Variants in PLEKHA6 observed in about 807,000 individuals in gnomAD.
PLEKHA6 encodes the protein pleckstrin homology domain containing A6, also known as pleckstrin homology domain-containing family A member 6.
PLEKHA6 carries 60 observed loss-of-function variants against 116.7 expected under a neutral mutation model. That is an observed-to-expected ratio of 0.51 (90% CI 0.42 to 0.64). The LOEUF is 0.64. Among genes scored for constraint, PLEKHA6 ranks in the 30% least tolerant of loss-of-function variants. The pLI is 0.00. For synonymous variants in PLEKHA6, 489 were observed against 556.1 expected, an observed-to-expected ratio of 0.88 and a Z score of 1.70; for missense variants, 1,338 against 1,422.7, an observed-to-expected ratio of 0.94 and a Z score of 0.96.
At chr1:204,296,248 C>T (rs773172974) in intron 1 of PLEKHA6, among the ~76,000 whole-genome samples, 3 of 152,174 alleles carry the variant, frequency 2.0e-5, no homozygotes, top group Non-Finnish European at 4.4e-5. Flanking sequence ...CTGGTGCACA[C>T]TCACATGCGT....
intron 1 of PLEKHA6, among the ~76,000 whole-genome samples, chr1:204,296,283 G>A (rs183416696): frequency 7.4e-4 from 113 of 152,114 alleles, no homozygotes; most frequent in African/African-American, 2.6e-3. Flanking sequence ...CCTGGTTCCC[G>A]TCTCAGCACT....
At position 204,237,835 on chromosome 1, in the gene PLEKHA6, T is replaced by C. The variant is rs146963280; in HGVS notation, c.2409+3540A>G. Among the ~76,000 whole-genome samples the C allele has an allele frequency of 2.3e-3, 357 of 152,346 alleles. 5 individuals are homozygous for C. Among genetic ancestry groups the C allele is most frequent in the African/African-American group, 8.4e-3 (348 of 41,586 alleles). The stretch of plus-strand genomic sequence containing the variant: ...CAAGATATCACACTGGTTCATTACA[T>C]TGATGACCTTATGCTGATTGGATCC... On this transcript the variant is annotated intron_variant, in intron 17 of 22. Transcript: ENST00000272203.
Position 204,270,799 on chromosome 1 carries a change from G to A in PLEKHA6, c.103-2487C>T, listed in dbSNP as rs533752074. 3.2e-4 allele frequency among the ~76,000 whole-genome samples: 49 copies of A among 152,348 alleles called. No homozygotes were observed. The South Asian group carries it at 9.9e-3, about 31-fold the overall frequency. ...AGCACAGCACAGAGGACAGGTTTGTGAGATATGGCAGGGCCTGTCACCCAC... is the reference window on the plus strand; with the variant it reads ...AGCACAGCACAGAGGACAGGTTTGTAAGATATGGCAGGGCCTGTCACCCAC... On this transcript the variant is annotated intron_variant, in intron 3 of 22. Coordinates refer to ENST00000272203, the MANE Select transcript of PLEKHA6 (RefSeq NM_014935.5).
chr1:204,284,917 T>C (rs1383504392), intron 1 of PLEKHA6, among the ~76,000 whole-genome samples: 1 of 152,238 alleles, frequency 6.6e-6, no homozygotes, highest in Non-Finnish European at 1.5e-5. Flanking sequence ...AGTTGTTTAG[T>C]AGTGGCTAAT....
chr1:204,273,311 G>A (rs1345519080), intron 3 of PLEKHA6, among the ~76,000 whole-genome samples: 2 of 152,214 alleles, frequency 1.3e-5, no homozygotes, highest in East Asian at 1.9e-4. Flanking sequence ...GGCATTTAGT[G>A]GGCAGAGGCC....
At chr1:204,225,802 CCACTCT>C (rs1351635353) in intron 21 of PLEKHA6, among the ~76,000 whole-genome samples, 3 of 152,214 alleles carry the variant, frequency 2.0e-5, no homozygotes, top group Admixed American at 2.0e-4. Context: ...AACCTTTCCT[CCACTCT>C]CACACTGCAT....
intron 5 of PLEKHA6, 44 bp from the exon 6 acceptor site, chr1:204,265,086 C>T (rs1198641616): frequency 6.2e-6 from 8 of 1,288,806 alleles, no homozygotes; most frequent in Non-Finnish European, 9.0e-6. Context: ...TGTGTGTGTG[C>T]AAGCGTGTGC....
At position 204,278,527 on chromosome 1, in the gene PLEKHA6, C is replaced by T. The variant is rs141793444; in HGVS notation, c.-94-3718G>A. Among the ~76,000 whole-genome samples, 10 of 152,268 alleles carry T rather than the reference C, an allele frequency of 6.6e-5. 1 individual carries two copies. The East Asian group carries it at 7.7e-4, about 12-fold the overall frequency. ...AAGGGGCTAATCTAATTTTTTGGAT[C>T]GAGCAAGAACTTGATTGGGGAATAA... On this transcript the variant is annotated intron_variant, in intron 1 of 22. Transcript: ENST00000272203.
At chr1:204,291,360 T>C (rs1320181987) in intron 1 of PLEKHA6, among the ~76,000 whole-genome samples, 2 of 152,168 alleles carry the variant, frequency 1.3e-5, no homozygotes, top group East Asian at 3.9e-4. Flanking sequence ...TAGAAAACAG[T>C]TTCCCAGTTT....
At chr1:204,288,028 TG>T (rs1669373867) in intron 1 of PLEKHA6, among the ~76,000 whole-genome samples, 1 of 152,228 alleles carries the variant, frequency 6.6e-6, no homozygotes, top group Admixed American at 6.5e-5. Context: ...GCTGATAGAA[TG>T]GGTATATCTA....
At chr1:204,302,106 C>A (rs1424103695) in intron 1 of PLEKHA6, among the ~76,000 whole-genome samples, 2 of 152,178 alleles carry the variant, frequency 1.3e-5, no homozygotes, top group Non-Finnish European at 2.9e-5. Flanking sequence ...TAGAAACGCC[C>A]TACTGTGTAT....
intron 1 of PLEKHA6, chr1:204,275,746 A>G: frequency 7.1e-6 from 7 of 983,950 alleles, no homozygotes; most frequent in Non-Finnish European, 8.4e-6. Flanking sequence ...AGATGGATCC[A>G]GTAAGCGGTG....
intron 1 of PLEKHA6, chr1:204,282,649 A>C: frequency 1.0e-6 from 1 of 985,212 alleles, no homozygotes; most frequent in Non-Finnish European, 1.2e-6. Flanking sequence ...CTCAACACTG[A>C]AGTGTCTTCC....
intron 21 of PLEKHA6, among the ~76,000 whole-genome samples, chr1:204,225,888 C>T (rs575431577): frequency 6.6e-6 from 1 of 152,202 alleles, no homozygotes; most frequent in South Asian, 2.1e-4. Flanking sequence ...ACAAGACATT[C>T]GCGCCACACG....
intron 9 of PLEKHA6, among the ~76,000 whole-genome samples, chr1:204,255,956 G>C (rs1315332402): frequency 1.3e-5 from 2 of 152,182 alleles, no homozygotes; most frequent in African/African-American, 4.8e-5. Context: ...GGAGAGGTGA[G>C]TGTCATCAGA....
chr1:204,286,551 C>G (rs966541644), intron 1 of PLEKHA6, among the ~76,000 whole-genome samples: 7 of 152,300 alleles, frequency 4.6e-5, no homozygotes, highest in Non-Finnish European at 1.0e-4. Flanking sequence ...AGCAACTATT[C>G]TGCACCTGCA....
At chr1:204,284,227 G>C (rs1389195824) in intron 1 of PLEKHA6, among the ~76,000 whole-genome samples, 1 of 152,204 alleles carries the variant, frequency 6.6e-6, no homozygotes, top group Non-Finnish European at 1.5e-5. Context: ...GAGAGCAGGA[G>C]CCTCCTGGCT....
In PLEKHA6 at chr1:204,259,330, T is replaced by C; in HGVS notation, c.935A>G (p.Lys312Arg). Reference protein sequence around the residue: ...RTNPDKIAQRKSSMNQLQQWV... With the variant: ...RTNPDKIAQRRSSMNQLQQWV... ...CTGCTGAAGCTGGTTCATGGAGCTC[T>C]TGCGCTGGGCAATTTTGTCAGGGTT... The change falls in exon 8 of 23, where the codon AAG becomes AGG. Residue 312 changes from lysine to arginine, a missense_variant. Coordinates refer to ENST00000272203, the MANE Select transcript of PLEKHA6 (RefSeq NM_014935.5). This position sits in a 1 kb window ranked among gnomAD's most constrained non-coding sequence, Gnocchi z 4.6. The C allele has an allele frequency of 1.2e-6, 2 of 1,614,202 alleles. No homozygotes were observed. The highest frequency in any genetic ancestry group is 1.7e-6 in the Non-Finnish European group (2 of 1,179,996).
At chr1:204,253,992 C>A (rs1421889764) in intron 9 of PLEKHA6, among the ~76,000 whole-genome samples, 3 of 152,254 alleles carry the variant, frequency 2.0e-5, no homozygotes, top group Non-Finnish European at 4.4e-5. Context: ...AGGGACCCTG[C>A]TGTCTGCACT....
Sources: gnomAD v4.1 joint callset for allele counts (sites outside exome capture counted in the v4.1 genomes callset) on GRCh38, gnomAD v4.1.1 for gene constraint, Gnocchi (gnomAD v3.1) non-coding constraint, MANE v1.5 for transcripts, NCBI Gene and HGNC (gene_info 2026-07-23, HGNC 2026-07-21) for gene names.